RBFOX1: variants seen among roughly 807,000 people sequenced by gnomAD.
RBFOX1 encodes RNA binding protein fox-1 homolog 1.
In RBFOX1, 8 loss-of-function variants were observed where a neutral mutation model predicts 57.7. The observed-to-expected ratio is 0.14, with a 90% CI of 0.08 to 0.25. The LOEUF is 0.25. Among genes scored for constraint, RBFOX1 ranks in the 10% least tolerant of loss-of-function variants. The pLI is 1.00. For missense variants in RBFOX1, 611 were observed against 548.5 expected, an observed-to-expected ratio of 1.11 and a Z score of -1.14; for synonymous variants, 326 against 222.4, an observed-to-expected ratio of 1.47 and a Z score of -4.15.
chr16:5,301,450 T>G (rs1053059364), intron 1 of RBFOX1, among the ~76,000 whole-genome samples: 3 of 151,804 alleles, frequency 2.0e-5, no homozygotes, highest in Admixed American at 2.0e-4. Flanking sequence ...AAACCCCATC[T>G]CTACTAAAAA....
intron 4 of RBFOX1, among the ~76,000 whole-genome samples, chr16:7,127,251 C>G (rs987397416): frequency 6.6e-6 from 1 of 152,098 alleles, no homozygotes; most frequent in African/African-American, 2.4e-5. Context: ...TTTCCTGTAT[C>G]CATGGTGTTG....
chr16:6,941,296 C>G (rs140759585), intron 3 of RBFOX1, among the ~76,000 whole-genome samples: 1 of 64,640 alleles, frequency 1.5e-5, no homozygotes, highest in African/African-American at 6.1e-5. Flanking sequence ...CCTTCCCTCC[C>G]TCCCTCCTTC....
At chr16:6,842,152 TAAAA>T (rs1165795447) in intron 3 of RBFOX1, among the ~76,000 whole-genome samples, 9 of 128,994 alleles carry the variant, frequency 7.0e-5, no homozygotes, top group Admixed American at 1.7e-4. Flanking sequence ...GAAAAAAAAA[TAAAA>T]AATAAATAAA....
intron 4 of RBFOX1, among the ~76,000 whole-genome samples, chr16:7,396,995 AG>A (rs564786146): frequency 2.6e-5 from 4 of 152,204 alleles, no homozygotes; most frequent in Admixed American, 6.5e-5. Flanking sequence ...GGACAAATGA[AG>A]TATTGGAAAC....
At chr16:7,334,390 G>A (rs1029028887) in intron 4 of RBFOX1, among the ~76,000 whole-genome samples, 9 of 152,122 alleles carry the variant, frequency 5.9e-5, no homozygotes, top group Non-Finnish European at 1.3e-4. Context: ...GTAGGGCTCA[G>A]TGGCAACTTA....
At chr16:6,854,661 C>T (rs987711855) in intron 3 of RBFOX1, among the ~76,000 whole-genome samples, 1 of 129,216 alleles carries the variant, frequency 7.7e-6, no homozygotes, top group Non-Finnish European at 1.5e-5. Context: ...GTGGCGCTAT[C>T]TGGGCTCACT....
At chr16:5,928,583 A>G (rs1203373941) in intron 4 of RBFOX1, among the ~76,000 whole-genome samples, 4 of 151,796 alleles carry the variant, frequency 2.6e-5, no homozygotes, top group African/African-American at 9.7e-5. Context: ...GAAAGTCACT[A>G]TATGTTCCTC....
chr16:6,513,570 C>G (rs1396995936), intron 2 of RBFOX1, among the ~76,000 whole-genome samples: 2 of 151,962 alleles, frequency 1.3e-5, no homozygotes, highest in Admixed American at 6.6e-5. Context: ...CCTGTCTCTA[C>G]TAAAAATACA....
At chr16:7,047,423 GTTCT>G (rs564992401) in intron 3 of RBFOX1, among the ~76,000 whole-genome samples, 17 of 152,084 alleles carry the variant, frequency 1.1e-4, no homozygotes, top group Non-Finnish European at 2.1e-4. Flanking sequence ...TAAATCCATA[GTTCT>G]TTGAATTGTT....
intron 2 of RBFOX1, among the ~76,000 whole-genome samples, chr16:6,515,361 C>T (rs1405785333): frequency 2.6e-5 from 4 of 152,232 alleles, no homozygotes; most frequent in African/African-American, 9.6e-5. Context: ...AAACAACCTT[C>T]AGAAGTTCCC....
At chr16:5,611,742 C>CCATCCATCCATCCATCCATCCATCCATT (rs2047807352) in intron 3 of RBFOX1, among the ~76,000 whole-genome samples, 11 of 146,124 alleles carry the variant, frequency 7.5e-5, no homozygotes, top group Admixed American at 6.8e-4. Context: ...ATCCATCCAT[C>CCATCCATCCATCCATCCATCCATCCATT]CATCCATTCA....
intron 3 of RBFOX1, among the ~76,000 whole-genome samples, chr16:6,852,595 C>T (rs752870034): frequency 4.6e-5 from 7 of 152,156 alleles, no homozygotes; most frequent in Non-Finnish European, 1.0e-4. Flanking sequence ...TGGAAACTAG[C>T]TGTCCAGATG....
chr16:6,676,350 AG>A (rs1298674170), intron 3 of RBFOX1, among the ~76,000 whole-genome samples: 1 of 151,956 alleles, frequency 6.6e-6, no homozygotes, highest in Non-Finnish European at 1.5e-5. Flanking sequence ...GGGAGTCATG[AG>A]CTGTTTCGTT....
At chr16:7,070,592 G>C (rs540841264) in intron 4 of RBFOX1, among the ~76,000 whole-genome samples, 1 of 152,134 alleles carries the variant, frequency 6.6e-6, no homozygotes, top group Non-Finnish European at 1.5e-5. Context: ...CTGAGTTTAC[G>C]TTTAAGTGGT....
chr16:6,584,274 T>A (rs1448535043), intron 2 of RBFOX1, among the ~76,000 whole-genome samples: 1 of 151,330 alleles, frequency 6.6e-6, no homozygotes, highest in Non-Finnish European at 1.5e-5. Flanking sequence ...ACACTTTCAC[T>A]ATTTGGAGCT....
At position 7,437,865 on chromosome 16, in the gene RBFOX1, A is replaced by C. The variant is rs566732952; in HGVS notation, c.28-80282A>C. Among the ~76,000 whole-genome samples, 157 of 152,008 alleles carry C rather than the reference A, an allele frequency of 1.0e-3. 2 individuals are homozygous for C. The highest frequency in any genetic ancestry group is 3.7e-3 in the South Asian group (18 of 4,820). On this transcript the variant is annotated intron_variant, in intron 4 of 15. Coordinates refer to ENST00000550418, the MANE Select transcript of RBFOX1 (RefSeq NM_018723.4). ...GAGGCAGTCCATTGGAAGCAAAGTC[A>C]GAAAAAAAAAATGAATATAGGGTCA...
intron 5 of RBFOX1, among the ~76,000 whole-genome samples, chr16:7,537,327 G>C (rs988675498): frequency 1.1e-4 from 17 of 152,176 alleles, no homozygotes; most frequent in Admixed American, 2.0e-4. Context: ...GTGGACTTTT[G>C]TGACAATTTG....
chr16:7,639,281 A>G (rs1219772726), intron 11 of RBFOX1, among the ~76,000 whole-genome samples: 1 of 152,126 alleles, frequency 6.6e-6, no homozygotes, highest in Non-Finnish European at 1.5e-5. Flanking sequence ...ACTTTCAACA[A>G]TGCTGGCTCT....
chr16:5,532,533 A>T (rs1056372357), intron 2 of RBFOX1, among the ~76,000 whole-genome samples: 2 of 152,230 alleles, frequency 1.3e-5, no homozygotes, highest in African/African-American at 2.4e-5. Context: ...GGATAGTGTC[A>T]TATCATTTAG....
Sources: allele counts gnomAD v4.1 joint callset (sites outside exome capture counted in the v4.1 genomes callset), GRCh38; gene constraint gnomAD v4.1.1; transcripts MANE v1.5; gene names NCBI Gene and HGNC (gene_info 2026-07-23, HGNC 2026-07-21).